Variants in GPT observed in about 807,000 individuals in gnomAD.
GPT encodes glutamic--pyruvic transaminase.
In GPT, 60 loss-of-function variants were observed where a neutral mutation model predicts 51.4. That is an observed-to-expected ratio of 1.17 (90% CI 0.95 to 1.45). The LOEUF (loss-of-function observed/expected upper bound fraction) is 1.45, where lower values mean the gene tolerates loss of function less well. GPT is among the 40% of genes most tolerant of loss of function. The pLI, the probability that GPT is intolerant of heterozygous loss-of-function variation, is 0.00. For missense variants in GPT, 853 were observed against 704.0 expected, an observed-to-expected ratio of 1.21 and a Z score of -2.40; for synonymous variants, 397 against 303.1, an observed-to-expected ratio of 1.31 and a Z score of -3.22.
rs755111201 is a variant in GPT at position 144,506,507 on chromosome 8, C to T, written c.1138C>T (p.Gln380Ter). The change falls in exon 9 of 11, where the codon CAG (glutamine) becomes TAG (stop). Residue 380 changes from glutamine to a stop codon, truncating the protein, a stop_gained. Transcript: ENST00000394955. LOFTEE classifies it high-confidence loss of function. The surrounding 1 kb of genome is among the most constrained non-coding windows in gnomAD (Gnocchi z 7.0). ...CCTCCCTCCGCGGCCACAGGAGAAG[C>T]AGGCAGTGCTGGCAGAGCTGGCGGC... ...PSFAQFQAEK[Q>*]AVLAELAAKA... 11 of 1,597,494 alleles carry T rather than the reference C, an allele frequency of 6.9e-6. No homozygotes were observed. Among genetic ancestry groups the T allele is most frequent in the East Asian group, 2.3e-5 (1 of 44,244 alleles).
At position 144,505,381 on chromosome 8, in the gene GPT, G is replaced by A. The variant is rs1231076791; in HGVS notation, c.631G>A (p.Glu211Lys). 2.5e-6 allele frequency: 4 copies of A among 1,592,026 alleles called. No individual in the cohort carries two copies. In the South Asian group the frequency reaches 3.4e-5, roughly 14 times the overall value. Reference sequence around the variant, plus strand: ...GCAGGTGGATTACTACCTGGACGAGGAGCGTGCCTGGGCGCTGGACGTGGC... The same window carrying A: ...GCAGGTGGATTACTACCTGGACGAGAAGCGTGCCTGGGCGCTGGACGTGGC... ...AVQVDYYLDE[E>K]RAWALDVAEL... The change falls in exon 5 of 11, where the codon GAG (glutamate) becomes AAG (lysine). Residue 211 changes from glutamate (E) to lysine (K), a missense_variant. By Grantham distance (56) the Glu-to-Lys change is moderately conservative. Coordinates refer to ENST00000394955, the MANE Select transcript of GPT (RefSeq NM_005309.3).
Position 144,505,308 on chromosome 8 carries a change from C to A in GPT, c.558C>A (p.Ile186=). 1 of 1,570,540 alleles carries A rather than the reference C, an allele frequency of 6.4e-7. No homozygotes were observed. Among genetic ancestry groups the A allele is most frequent in the Admixed American group, 1.9e-5 (1 of 53,248 alleles). ...GHTRTGVLIP[I]PQYPLYSATL... ...CACGCACGGGTGTGCTCATCCCCAT[C>A]CCCCAGTACCCACTCTACTCGGCCA... Residue 186 remains isoleucine, a synonymous_variant, in exon 5 of 11, where the codon ATC becomes ATA. Transcript: ENST00000394955.
chr8:144,506,725 C>G lies in GPT; in HGVS notation c.1288-6C>G. 6.2e-7 allele frequency: 1 copy of G among 1,610,752 alleles called. No individual in the cohort carries two copies. Among genetic ancestry groups the G allele is most frequent in the Non-Finnish European group, 8.5e-7 (1 of 1,179,504 alleles). The stretch of plus-strand genomic sequence containing the variant: ...GCATCCCTCTCTGACGGCTCTCCGT[C>G]CACAGGAGCTGGGCCTGGCCCCCGA... On this transcript the variant is annotated splice_polypyrimidine_tract_variant and splice_region_variant and intron_variant, in intron 9 of 10. Transcript: ENST00000394955. This position sits in a 1 kb window ranked among gnomAD's most constrained non-coding sequence, Gnocchi z 7.0.
At position 144,504,860 on chromosome 8, in the gene GPT, G is replaced by C. The variant is rs756909307; in HGVS notation, c.342G>C (p.Ala114=). ...AAAGGGCGGAGCGCATCTTGCAGGC[G>C]TGTGGGGGCCACAGTCTGGGTGAGA... The part of the protein sequence containing the change: ...AKKRAERILQ[A]CGGHSLGAYS... The change falls in exon 3 of 11, where the codon GCG becomes GCC. Residue 114 remains alanine, a synonymous_variant. Coordinates refer to ENST00000394955, the MANE Select transcript of GPT (RefSeq NM_005309.3). 1.2e-6 allele frequency: 2 copies of C among 1,613,326 alleles called. No homozygotes were observed. Among genetic ancestry groups the C allele is most frequent in the East Asian group, 2.2e-5 (1 of 44,892 alleles).
In GPT at chr8:144,507,008, A is replaced by G; in HGVS notation, c.*8A>G. On this transcript the variant is annotated 3_prime_UTR_variant, in exon 11 of 11. Coordinates refer to ENST00000394955, the MANE Select transcript of GPT (RefSeq NM_005309.3). ...ACCCTCGAGTACTCCTGAGCACCCC[A>G]GCTGGGGCCAGGCTGGGTCGCCCTG... is the stretch of plus-strand genomic sequence containing the variant. 1 of 1,512,008 alleles carries G rather than the reference A, an allele frequency of 6.6e-7. No homozygotes were observed. Among genetic ancestry groups the G allele is most frequent in the African/African-American group, 1.4e-5 (1 of 70,050 alleles). The allele number at this position is 1,512,008 out of a possible 1,614,324, so 93.7% of individuals were successfully genotyped here.
In GPT at chr8:144,506,621, G is replaced by A. The variant is rs777867324; in HGVS notation, c.1252G>A (p.Val418Met). The change falls in exon 9 of 11, where the codon GTG becomes ATG. Residue 418 changes from valine to methionine, a missense_variant. Physicochemically the swap from Val to Met is conservative, Grantham distance 21. Coordinates refer to ENST00000394955, the MANE Select transcript of GPT (RefSeq NM_005309.3). The surrounding 1 kb of genome is among the most constrained non-coding windows in gnomAD (Gnocchi z 7.0). ...VQGAMYSFPR[V>M]QLPPRAVERA... ...GGGCGCCATGTACTCCTTCCCGCGCGTGCAGCTGCCCCCGCGGGCGGTGGA... is the reference window on the plus strand; with the variant it reads ...GGGCGCCATGTACTCCTTCCCGCGCATGCAGCTGCCCCCGCGGGCGGTGGA... The A allele has an allele frequency of 1.1e-5, 17 of 1,560,846 alleles. No individual in the cohort carries two copies. The highest frequency in any genetic ancestry group is 9.6e-5 in the Admixed American group (5 of 51,846).
At chr8:144,503,315 C>T (rs1022173588), upstream of GPT, among the ~76,000 whole-genome samples, 6 of 152,176 alleles carry the variant, frequency 3.9e-5, no homozygotes, top group Non-Finnish European at 7.4e-5. Context: ...GGAGCCTGGC[C>T]TTTCAGCTCA....
At position 144,506,845 on chromosome 8, in the gene GPT, T is replaced by C; in HGVS notation, c.1400+2T>C. 6.2e-7 allele frequency: 1 copy of C among 1,612,618 alleles called. No individual in the cohort carries two copies. Among genetic ancestry groups the C allele is most frequent in the East Asian group, 2.2e-5 (1 of 44,886 alleles). On this transcript the variant is annotated splice_donor_variant, in intron 10 of 10. Transcript: ENST00000394955. LOFTEE classifies it high-confidence loss of function. This position sits in a 1 kb window ranked among gnomAD's most constrained non-coding sequence, Gnocchi z 7.0. ...GCGGGAAGGCACCTACCACTTCCGG[T>C]GAGGCCTGGCCCTCACTCCCTGTCC...
upstream of GPT, among the ~76,000 whole-genome samples, chr8:144,503,467 G>C (rs190931650): frequency 6.2e-4 from 95 of 152,240 alleles, no homozygotes; most frequent in African/African-American, 2.2e-3. Flanking sequence ...GCTGGTGCCT[G>C]GTGAAAGGGC....
Position 144,507,103 on chromosome 8 carries a change from G to C in GPT, c.*103G>C. 5.7e-6 allele frequency: 4 copies of C among 704,206 alleles called. No individual in the cohort carries two copies. In the South Asian group the frequency reaches 5.9e-5, roughly 10 times the overall value. 43.6% of individuals were successfully genotyped at this position (704,206 alleles called of 1,614,324 possible). On this transcript the variant is annotated 3_prime_UTR_variant, in exon 11 of 11. Coordinates refer to ENST00000394955, the MANE Select transcript of GPT (RefSeq NM_005309.3). ...CTTGCTCTTGATGCCTGGCGGGGTG[G>C]GGTGGGGGGGGTGCTGGGCCCCTGC...
In GPT at chr8:144,506,983, AC is replaced by A. The variant is rs765512229; in HGVS notation, c.1477del (p.Leu493SerfsTer34). ...EKLSRFHAKF[T>X]LEYS Reference sequence around the variant, plus strand: ...GCTGAGCAGGTTCCATGCCAAGTTCACCCTCGAGTACTCCTGAGCACCCCAG... The same window carrying A: ...GCTGAGCAGGTTCCATGCCAAGTTCACCTCGAGTACTCCTGAGCACCCCAG... On this transcript the variant is annotated frameshift_variant, in exon 11 of 11. Coordinates refer to ENST00000394955, the MANE Select transcript of GPT (RefSeq NM_005309.3). LOFTEE classifies it high-confidence loss of function. The surrounding 1 kb of genome is among the most constrained non-coding windows in gnomAD (Gnocchi z 7.0). The A allele has an allele frequency of 1.2e-5, 19 of 1,609,316 alleles. No homozygotes were observed. In the Admixed American group the frequency reaches 2.9e-4, roughly 24 times the overall value.
intron 2 of GPT, 35 bp downstream of exon 2, chr8:144,504,728 C>T (rs1826699808): frequency 6.2e-7 from 1 of 1,610,102 alleles, no homozygotes; most frequent in Admixed American, 1.7e-5. Flanking sequence ...CACCCCCCCA[C>T]CCCCAGCCCA....
rs1826849195 is a variant in GPT at position 144,507,037 on chromosome 8, T to C, written c.*37T>C. On this transcript the variant is annotated 3_prime_UTR_variant, in exon 11 of 11. Transcript: ENST00000394955. The stretch of plus-strand genomic sequence containing the variant: ...GGGGCCAGGCTGGGTCGCCCTGGAC[T>C]GTGTGCTCAGGAGCCCTGGGAGGCT... The C allele has an allele frequency of 1.5e-6, 2 of 1,303,798 alleles. No individual in the cohort carries two copies. The highest frequency in any genetic ancestry group is 2.1e-6 in the Non-Finnish European group (2 of 957,542). The allele number at this position is 1,303,798 out of a possible 1,614,324, so 80.8% of individuals were successfully genotyped here.
rs1027351811 is a variant in GPT at position 144,506,661 on chromosome 8, G to C, written c.1287+5G>C. On this transcript the variant is annotated splice_donor_5th_base_variant and intron_variant, in intron 9 of 10. Coordinates refer to ENST00000394955, the MANE Select transcript of GPT (RefSeq NM_005309.3). The surrounding 1 kb of genome is among the most constrained non-coding windows in gnomAD (Gnocchi z 7.0). ...CGGGCGGTGGAGCGCGCTCAGGTCA[G>C]GCGGGGGCGGGGCCTGCGGGGTGGG... 3.8e-6 allele frequency: 6 copies of C among 1,558,468 alleles called. No homozygotes were observed. In the African/African-American group the frequency reaches 8.1e-5, roughly 21 times the overall value.
upstream of GPT, chr8:144,503,125 G>C (rs1318966918): frequency 6.6e-6 from 1 of 152,344 alleles, no homozygotes; most frequent in Non-Finnish European, 1.5e-5. Context: ...AGACGTGCAC[G>C]GTGAGAGGCC....
chr8:144,504,339 T>A lies in GPT; in HGVS notation c.35T>A (p.Val12Glu), dbSNP rs769950392. ...AGCACAGGTGACCGGAGCCAGGCGG[T>A]GAGGCATGGACTGAGGGCGAAGGTG... ...ASSTGDRSQA[V>E]RHGLRAKVLT... The change falls in exon 1 of 11, where the codon GTG (valine) becomes GAG (glutamate). Residue 12 changes from valine to glutamate, a missense_variant. Coordinates refer to ENST00000394955, the MANE Select transcript of GPT (RefSeq NM_005309.3). The A allele has an allele frequency of 2.8e-5, 45 of 1,610,414 alleles. No homozygotes were observed. Among genetic ancestry groups the A allele is most frequent in the Admixed American group, 8.3e-5 (5 of 59,978 alleles).
chr8:144,503,739 G>A (rs1194349890), upstream of GPT: 2 of 158,696 alleles, frequency 1.3e-5, no homozygotes, highest in Non-Finnish European at 2.8e-5. Context: ...CCCAAGCAAA[G>A]ATGCGGGTGC....
chr8:144,506,274 C>CGCTGCAGTGCA lies in GPT; in HGVS notation c.1002_1012dup (p.Gln338LeufsTer8). On this transcript the variant is annotated frameshift_variant, in exon 8 of 11. Coordinates refer to ENST00000394955, the MANE Select transcript of GPT (RefSeq NM_005309.3). LOFTEE classifies it high-confidence loss of function. The surrounding 1 kb of genome is among the most constrained non-coding windows in gnomAD (Gnocchi z 7.0). ...GCTATGTGGAGGTGGTGAACATGGA[C>CGCTGCAGTGCA]GCTGCAGTGCAGCAGCAGATGCTGA... 1 of 1,604,698 alleles carries CGCTGCAGTGCA rather than the reference C, an allele frequency of 6.2e-7. No individual in the cohort carries two copies. The highest frequency in any genetic ancestry group is 8.5e-7 in the Non-Finnish European group (1 of 1,178,372).
At position 144,505,362 on chromosome 8, in the gene GPT, G is replaced by C; in HGVS notation, c.612G>C (p.Val204=). The C allele has an allele frequency of 1.3e-6, 2 of 1,582,780 alleles. No homozygotes were observed. The highest frequency in any genetic ancestry group is 8.6e-7 in the Non-Finnish European group (1 of 1,165,272). Residue 204 remains valine, a synonymous_variant, in exon 5 of 11, where the codon GTG becomes GTC. Coordinates refer to ENST00000394955, the MANE Select transcript of GPT (RefSeq NM_005309.3). ...ATLAELGAVQ[V]DYYLDEERAW... ...TGGCAGAGCTGGGCGCAGTGCAGGTGGATTACTACCTGGACGAGGAGCGTG... is the reference window on the plus strand; with the variant it reads ...TGGCAGAGCTGGGCGCAGTGCAGGTCGATTACTACCTGGACGAGGAGCGTG...
Sources: gnomAD v4.1 joint callset for allele counts (sites outside exome capture counted in the v4.1 genomes callset) on GRCh38, gnomAD v4.1.1 for gene constraint, Gnocchi (gnomAD v3.1) non-coding constraint, MANE v1.5 for transcripts, NCBI Gene and HGNC (gene_info 2026-07-23, HGNC 2026-07-21) for gene names.